Variants in DHX38 observed in about 807,000 individuals in gnomAD.
The protein encoded by DHX38 is pre-mRNA-splicing factor ATP-dependent RNA helicase PRP16.
A neutral mutation model predicts 153.1 loss-of-function variants in DHX38; 100 were observed. The ratio of observed to expected loss-of-function variants is 0.65; its 90% confidence interval spans 0.56 to 0.77. The LOEUF is 0.77. DHX38 is among the 30% of genes least tolerant of loss of function. The pLI, the probability that DHX38 is intolerant of heterozygous loss-of-function variation, is 0.00. For missense variants in DHX38, 1,440 were observed against 1,654.0 expected, an observed-to-expected ratio of 0.87 and a Z score of 2.24; for synonymous variants, 650 against 631.7, an observed-to-expected ratio of 1.03 and a Z score of -0.43.
At chr16:72,098,065 T>A (rs950089516) in intron 4 of DHX38, among the ~76,000 whole-genome samples, 1 of 152,168 alleles carries the variant, frequency 6.6e-6, no homozygotes, top group African/African-American at 2.4e-5. Flanking sequence ...AAAGAACTAC[T>A]TATATCCAAG....
Position 72,105,265 on chromosome 16 carries a change from G to A in DHX38, c.2296G>A (p.Glu766Lys), listed in dbSNP as rs1450003326. The change falls in exon 17 of 27, where the codon GAA (glutamate) becomes AAA (lysine). Residue 766 changes from glutamate to lysine, a missense_variant. By Grantham distance (56) the Glu-to-Lys change is moderately conservative (BLOSUM62 1). Around this residue, in one of 6 missense-constraint regions of DHX38, gnomAD observed 543 missense variants for 717.9 expected, o/e 0.76. Coordinates refer to ENST00000268482, the MANE Select transcript of DHX38 (RefSeq NM_014003.4). ...AGACCAGATTGTGGAGCATCTGGAG[G>A]AACTGGAGAACGCGCCTGCCCTGGC... ...TSDQIVEHLEELENAPALAVL... is the reference protein window; with the variant it reads ...TSDQIVEHLEKLENAPALAVL... The A allele has an allele frequency of 2.5e-6, 4 of 1,614,072 alleles. No homozygotes were observed. The highest frequency in any genetic ancestry group is 2.5e-6 in the Non-Finnish European group (3 of 1,180,040).
chr16:72,097,116 A>G (rs972042535), intron 3 of DHX38, 107 bp downstream of exon 3: 4 of 1,257,126 alleles, frequency 3.2e-6, no homozygotes, highest in Admixed American at 5.0e-5. Context: ...AGGGAGTCCT[A>G]TTTGCATGAT....
chr16:72,107,242 G>A lies in DHX38; in HGVS notation c.2601-98G>A, dbSNP rs1207800270. 3 of 1,288,754 alleles carry A rather than the reference G, an allele frequency of 2.3e-6. No homozygotes were observed. The highest frequency in any genetic ancestry group is 3.0e-5 in the African/African-American group (2 of 67,408). The allele number at this position is 1,288,754 out of a possible 1,614,324, so 79.8% of individuals were successfully genotyped here. ...GATTCACTGAAGTAGTGGGTGGGGA[G>A]AAGAAATGAGAATTTCCTCCCTCCC... On this transcript the variant is annotated intron_variant, in intron 19 of 26. Coordinates refer to ENST00000268482, the MANE Select transcript of DHX38 (RefSeq NM_014003.4). This position sits in a 1 kb window ranked among gnomAD's most constrained non-coding sequence, Gnocchi z 5.3.
chr16:72,096,084 G>T, intron 1 of DHX38, 55 bp from the exon 2 acceptor site: 1 of 1,497,638 alleles, frequency 6.7e-7, no homozygotes, highest in South Asian at 1.3e-5. Flanking sequence ...CATTTATTGT[G>T]GGATATAGTA....
chr16:72,097,284 C>A, intron 3 of DHX38: 1 of 400,284 alleles, frequency 2.5e-6, no homozygotes, highest in African/African-American at 2.0e-5. Context: ...TATAAGAGAC[C>A]AGCATTTCTA....
Position 72,112,729 on chromosome 16 carries a change from G to A in DHX38, c.*232G>A, listed in dbSNP as rs1385376724. The A allele has an allele frequency of 1.7e-5, 12 of 705,616 alleles. No individual in the cohort carries two copies. The highest frequency in any genetic ancestry group is 2.8e-5 in the Non-Finnish European group (11 of 387,672). The allele number at this position is 705,616 out of a possible 1,614,324, so 43.7% of individuals were successfully genotyped here. Reference sequence around the variant, plus strand: ...GCTGCAGAGTATCCGAGGTGCTGCCGGGGCAGCGGGAGGTGGCTGGACCCA... The same window carrying A: ...GCTGCAGAGTATCCGAGGTGCTGCCAGGGCAGCGGGAGGTGGCTGGACCCA... On this transcript the variant is annotated 3_prime_UTR_variant, in exon 27 of 27. Transcript: ENST00000268482.
At chr16:72,101,372 C>G in intron 10 of DHX38, 128 bp from the exon 11 acceptor site, 1 of 1,151,974 alleles carries the variant, frequency 8.7e-7, no homozygotes, top group Non-Finnish European at 1.2e-6. Flanking sequence ...TGGAATGTGG[C>G]TCGGTGCCAC....
In DHX38 at chr16:72,096,137, A is replaced by G; in HGVS notation, c.-19-2A>G. 1 of 1,580,930 alleles carries G rather than the reference A, an allele frequency of 6.3e-7. No individual in the cohort carries two copies. The highest frequency in any genetic ancestry group is 8.6e-7 in the Non-Finnish European group (1 of 1,158,710). On this transcript the variant is annotated splice_acceptor_variant, in intron 1 of 26. Transcript: ENST00000268482. LOFTEE classifies it low-confidence loss of function (5UTR_SPLICE). ...GTACCAAATGGTTTGCCTTCCTTCCAGAGAAATCCCAGATCCTGTGATGGG... is the reference window on the plus strand; with the variant it reads ...GTACCAAATGGTTTGCCTTCCTTCCGGAGAAATCCCAGATCCTGTGATGGG...
chr16:72,112,131 G>C (rs2042264800), intron 26 of DHX38: 1 of 489,844 alleles, frequency 2.0e-6, no homozygotes, highest in South Asian at 2.8e-5. Context: ...AGTGGCGCAC[G>C]TGAGGTGGAG....
intron 11 of DHX38, 45 bp downstream of exon 11, chr16:72,101,657 G>A: frequency 6.6e-7 from 1 of 1,512,074 alleles, no homozygotes; most frequent in Non-Finnish European, 9.0e-7. Context: ...CTCCAAAGAT[G>A]GGGGCCCATG....
chr16:72,099,281 G>A lies in DHX38; in HGVS notation c.960+1G>A. 2.5e-6 allele frequency: 4 copies of A among 1,608,908 alleles called. No homozygotes were observed. Among genetic ancestry groups the A allele is most frequent in the Non-Finnish European group, 3.4e-6 (4 of 1,177,806 alleles). Reference sequence around the variant, plus strand: ...GCAGCAGTGGGAAGATGACCAGAGGGTAAAGTTTTATACCTCTGAGGGGCT... The same window carrying A: ...GCAGCAGTGGGAAGATGACCAGAGGATAAAGTTTTATACCTCTGAGGGGCT... On this transcript the variant is annotated splice_donor_variant, in intron 7 of 26. Coordinates refer to ENST00000268482, the MANE Select transcript of DHX38 (RefSeq NM_014003.4). LOFTEE classifies it high-confidence loss of function.
At chr16:72,108,129 C>A in intron 21 of DHX38, 98 bp from the exon 22 acceptor site, 1 of 1,370,096 alleles carries the variant, frequency 7.3e-7, no homozygotes, top group African/African-American at 1.4e-5. Context: ...GTTTGAAGTT[C>A]TATGTGTGGG....
At chr16:72,108,697 T>G in intron 23 of DHX38, 90 bp downstream of exon 23, 1 of 1,586,686 alleles carries the variant, frequency 6.3e-7, no homozygotes, top group Non-Finnish European at 8.6e-7. Flanking sequence ...TCTGCAGATC[T>G]GGGCTTCCGC....
chr16:72,107,772 G>A lies in DHX38; in HGVS notation c.2937G>A (p.Ser979=), dbSNP rs763421964. Residue 979 remains serine, a synonymous_variant, in exon 21 of 27, where the codon TCG becomes TCA. Coordinates refer to ENST00000268482, the MANE Select transcript of DHX38 (RefSeq NM_014003.4). The surrounding 1 kb of genome is among the most constrained non-coding windows in gnomAD (Gnocchi z 5.3). ...SEILLIVSML[S]VPAIFYRPKG... The stretch of plus-strand genomic sequence containing the variant: ...TCCTGCTCATCGTTTCCATGCTCTC[G>A]GTCCCAGCCATCTTCTACAGGCCCA... 14 of 1,613,854 alleles carry A rather than the reference G, an allele frequency of 8.7e-6. No homozygotes were observed. Among genetic ancestry groups the A allele is most frequent in the East Asian group, 2.2e-5 (1 of 44,866 alleles).
chr16:72,096,657 G>T (rs9926927), intron 2 of DHX38, among the ~76,000 whole-genome samples, 165 bp from the exon 3 acceptor site: 76,090 of 152,118 alleles, frequency 0.5, 20,939 homozygotes, highest in African/African-American at 0.74. Flanking sequence ...GAATAAAGAC[G>T]AGATGGTAGA....
intron 26 of DHX38, chr16:72,112,131 G>T (rs2042264800): frequency 2.0e-6 from 1 of 489,844 alleles, no homozygotes; most frequent in East Asian, 3.4e-5. Flanking sequence ...AGTGGCGCAC[G>T]TGAGGTGGAG....
At position 72,107,245 on chromosome 16, in the gene DHX38, G is replaced by A. The variant is rs1287739389; in HGVS notation, c.2601-95G>A. The A allele has an allele frequency of 7.6e-7, 1 of 1,321,354 alleles. No individual in the cohort carries two copies. Among genetic ancestry groups the A allele is most frequent in the Non-Finnish European group, 1.0e-6 (1 of 968,772 alleles). 81.9% of individuals were successfully genotyped at this position (1,321,354 alleles called of 1,614,324 possible). On this transcript the variant is annotated intron_variant, in intron 19 of 26. Transcript: ENST00000268482. This position sits in a 1 kb window ranked among gnomAD's most constrained non-coding sequence, Gnocchi z 5.3. ...TCACTGAAGTAGTGGGTGGGGAGAA[G>A]AAATGAGAATTTCCTCCCTCCCTGT...
intron 18 of DHX38, 126 bp downstream of exon 18, chr16:72,105,750 TGGG>T (rs1282541053): frequency 1.5e-5 from 14 of 922,316 alleles, no homozygotes; most frequent in Non-Finnish European, 2.2e-5. Flanking sequence ...GTGGTGGTGG[TGGG>T]AGGCTCACAT....
chr16:72,101,005 C>A, intron 9 of DHX38, 81 bp from the exon 10 acceptor site: 2 of 1,352,922 alleles, frequency 1.5e-6, no homozygotes, highest in Admixed American at 1.7e-5. Flanking sequence ...GGGTAGCAGT[C>A]CCTTTCACAA....
Sources: gnomAD v4.1 joint callset for allele counts (sites outside exome capture counted in the v4.1 genomes callset) on GRCh38, gnomAD v4.1.1 for gene constraint, gnomAD v4.1.1 regional missense constraint, Gnocchi (gnomAD v3.1) non-coding constraint, MANE v1.5 for transcripts, NCBI Gene and HGNC (gene_info 2026-07-23, HGNC 2026-07-21) for gene names.